Variants in OTUD7A observed in about 807,000 individuals in gnomAD.
OTUD7A encodes OTU deubiquitinase 7A.
In OTUD7A, 12 loss-of-function variants were observed where a neutral mutation model predicts 65.7. That is an observed-to-expected ratio of 0.18 (90% CI 0.12 to 0.30). The LOEUF is 0.30. Ranked by LOEUF, OTUD7A falls within the 10% of genes least tolerant of loss-of-function variation. The pLI is 1.00. For synonymous variants in OTUD7A, 641 were observed against 586.3 expected (o/e 1.09, Z -1.35); for missense variants, 1,148 against 1,304.8 (o/e 0.88, Z 1.85).
At chr15:31,779,970 C>A (rs58725607) in intron 1 of OTUD7A, among the ~76,000 whole-genome samples, 18,574 of 152,020 alleles carry the variant, frequency 0.12, 1,517 homozygotes, top group East Asian at 0.43. Context: ...ACCCCAGAAG[C>A]CTTCACAACC....
At chr15:31,584,046 A>G (rs1889452694) in intron 3 of OTUD7A, among the ~76,000 whole-genome samples, 1 of 152,226 alleles carries the variant, frequency 6.6e-6, no homozygotes, top group Non-Finnish European at 1.5e-5. Context: ...AACAGCTGGT[A>G]TAGATTGACA....
chr15:31,546,722 T>C (rs1888142607), intron 5 of OTUD7A, among the ~76,000 whole-genome samples: 2 of 152,222 alleles, frequency 1.3e-5, no homozygotes, highest in Admixed American at 6.5e-5. Context: ...AAAAAATCCA[T>C]CAATAACATA....
chr15:31,831,301 G>A (rs573211987), intron 1 of OTUD7A, among the ~76,000 whole-genome samples: 111 of 152,214 alleles, frequency 7.3e-4, no homozygotes, highest in Non-Finnish European at 1.2e-3. Context: ...ATCAGACTTC[G>A]TAAAAATTTT....
chr15:31,580,695 C>T lies in OTUD7A; in HGVS notation c.152-10498G>A, dbSNP rs144112769. ...GCAAGAGCTTGTGCAGGAGAACTCA[C>T]ATTTATATAACCATCAGATCTTGTG... On this transcript the variant is annotated intron_variant, in intron 3 of 12. Transcript: ENST00000307050. 1.4e-4 allele frequency among the ~76,000 whole-genome samples: 21 copies of T among 152,296 alleles called. No homozygotes were observed. In the East Asian group the frequency reaches 4.1e-3, roughly 29 times the overall value.
At chr15:31,582,759 G>A (rs572790786) in intron 3 of OTUD7A, among the ~76,000 whole-genome samples, 2 of 152,248 alleles carry the variant, frequency 1.3e-5, no homozygotes, top group African/African-American at 2.4e-5. Context: ...AGATTTGGGT[G>A]GGAACATAGC....
intron 5 of OTUD7A, among the ~76,000 whole-genome samples, chr15:31,532,646 G>A (rs1236847183): frequency 6.6e-6 from 1 of 152,156 alleles, no homozygotes; most frequent in African/African-American, 2.4e-5. Flanking sequence ...TATTCGAAGA[G>A]GCCAGGCGCG....
At chr15:31,612,901 A>G (rs1890472770) in intron 3 of OTUD7A, among the ~76,000 whole-genome samples, 1 of 152,226 alleles carries the variant, frequency 6.6e-6, no homozygotes, top group Non-Finnish European at 1.5e-5. Flanking sequence ...ACTATACTTT[A>G]AGGCCATAGT....
intron 3 of OTUD7A, among the ~76,000 whole-genome samples, chr15:31,577,279 TC>T (rs1889230394): frequency 6.6e-6 from 1 of 152,152 alleles, no homozygotes; most frequent in Non-Finnish European, 1.5e-5. Context: ...TGCGATGTAT[TC>T]TCTCTGAAGG....
rs772574742 is a variant in OTUD7A, at chr15:31,808,136, C to CACACAAAA, written c.-100+62370_-100+62371insTTTTGTGT. Among the ~76,000 whole-genome samples, 389 of 119,490 alleles carry CACACAAAA rather than the reference C, an allele frequency of 3.3e-3. 5 individuals carry two copies. Among genetic ancestry groups the CACACAAAA allele is most frequent in the Middle Eastern group, 9.4e-3 (2 of 212 alleles). 78.4% of individuals were successfully genotyped at this position (119,490 alleles called of 152,430 possible). A position where few individuals can be genotyped will look rare whatever the true frequency, so the allele number is the denominator to read the frequency against. The stretch of plus-strand genomic sequence containing the variant: ...ACACACACACACACACACACACACA[C>CACACAAAA]AAACAAATCCTCACCAGGTTTTTCC... On this transcript the variant is annotated intron_variant, in intron 1 of 12. Transcript: ENST00000307050.
intron 1 of OTUD7A, among the ~76,000 whole-genome samples, chr15:31,804,788 A>G (rs905438): frequency 0.32 from 48,495 of 152,058 alleles, 8,656 homozygotes; most frequent in South Asian, 0.56. Flanking sequence ...ATGACAAGTG[A>G]TAAGTTTCAA....
intron 1 of OTUD7A, among the ~76,000 whole-genome samples, chr15:31,814,368 T>C (rs571838752): frequency 6.6e-6 from 1 of 152,300 alleles, no homozygotes; most frequent in South Asian, 2.1e-4. Context: ...CCGAGTGCCC[T>C]GAAGAACTGA....
chr15:31,737,772 T>C (rs1343130525), intron 1 of OTUD7A, among the ~76,000 whole-genome samples: 1 of 152,304 alleles, frequency 6.6e-6, no homozygotes, highest in East Asian at 1.9e-4. Context: ...TACGGGACTA[T>C]CACACAGCAT....
chr15:31,570,821 C>T (rs1889030127), intron 3 of OTUD7A, among the ~76,000 whole-genome samples: 1 of 152,060 alleles, frequency 6.6e-6, no homozygotes, highest in South Asian at 2.1e-4. Flanking sequence ...GCTGGACTGG[C>T]ACTTCGCAGC....
At chr15:31,648,237 G>A (rs1309971236) in intron 3 of OTUD7A, among the ~76,000 whole-genome samples, 1 of 152,132 alleles carries the variant, frequency 6.6e-6, no homozygotes, top group Non-Finnish European at 1.5e-5. Context: ...TCCTTCAAAG[G>A]CATTTCCAGG....
At chr15:31,721,843 C>T (rs189123925) in intron 1 of OTUD7A, among the ~76,000 whole-genome samples, 12 of 152,322 alleles carry the variant, frequency 7.9e-5, no homozygotes, top group African/African-American at 2.4e-4. Flanking sequence ...AAGGCAAATG[C>T]GCTGCACAGC....
At chr15:31,605,924 T>A (rs1390647109) in intron 3 of OTUD7A, among the ~76,000 whole-genome samples, 1 of 152,198 alleles carries the variant, frequency 6.6e-6, no homozygotes, top group African/African-American at 2.4e-5. Flanking sequence ...GTGAACCATT[T>A]CTGCTGGAGC....
chr15:31,657,800 G>A (rs1892037701), intron 1 of OTUD7A, among the ~76,000 whole-genome samples: 1 of 152,142 alleles, frequency 6.6e-6, no homozygotes, highest in Admixed American at 6.5e-5. Context: ...ACTGCTCCGT[G>A]CCATCCTCCC....
chr15:31,855,617 G>A (rs1287598451), intron 1 of OTUD7A, among the ~76,000 whole-genome samples: 1 of 152,086 alleles, frequency 6.6e-6, no homozygotes, highest in East Asian at 1.9e-4. Context: ...AAGTAACTGT[G>A]GAAACAAGTT....
intron 3 of OTUD7A, among the ~76,000 whole-genome samples, chr15:31,635,980 C>T (rs1324219780): frequency 2.0e-5 from 3 of 152,246 alleles, no homozygotes; most frequent in African/African-American, 7.2e-5. Flanking sequence ...TACACCTTAT[C>T]CCAGACGCCA....
Sources: allele counts gnomAD v4.1 joint callset (sites outside exome capture counted in the v4.1 genomes callset), GRCh38; gene constraint gnomAD v4.1.1; transcripts MANE v1.5; gene names NCBI Gene and HGNC (gene_info 2026-07-23, HGNC 2026-07-21).